GK5: variants seen among roughly 807,000 people sequenced by gnomAD.
GK5 encodes ATP:glycerol 3-phosphotransferase 5.
Under a neutral mutation model 77.3 loss-of-function variants are expected in GK5, and 39 were observed. That is an observed-to-expected ratio of 0.50 (90% CI 0.39 to 0.66). GK5 has a LOEUF of 0.66. Ranked by LOEUF, GK5 falls within the 30% of genes least tolerant of loss-of-function variation. The pLI is 0.00. For missense variants in GK5, 487 were observed against 633.8 expected (o/e 0.77, Z 2.49); for synonymous variants, 211 against 208.0 (o/e 1.01, Z -0.13).
chr3:142,186,348 A>T, intron 7 of GK5, 81 bp from the exon 8 acceptor site: 1 of 1,010,014 alleles, frequency 9.9e-7, no homozygotes, highest in Non-Finnish European at 1.5e-6. Flanking sequence ...ATCATGTTGT[A>T]CATGATATAT....
At chr3:142,165,850 G>T in intron 15 of GK5, 80 bp from the exon 16 acceptor site, 1 of 896,258 alleles carries the variant, frequency 1.1e-6, no homozygotes, top group Non-Finnish European at 1.6e-6. Flanking sequence ...TATACGAGTT[G>T]CTGGTAGAAA....
At chr3:142,199,000 T>C in intron 4 of GK5, 67 bp from the exon 5 acceptor site, 4 of 1,162,902 alleles carry the variant, frequency 3.4e-6, no homozygotes, top group Admixed American at 2.5e-5. Flanking sequence ...ACATCAATTC[T>C]ATATACATGC....
intron 12 of GK5, among the ~76,000 whole-genome samples, 167 bp from the exon 13 acceptor site, chr3:142,172,623 A>C (rs868500409): frequency 5.9e-5 from 9 of 152,350 alleles, no homozygotes; most frequent in Non-Finnish European, 8.8e-5. Flanking sequence ...ACTTTTTAAC[A>C]GCATTTAAGC....
Position 142,165,556 on chromosome 3 carries a change from T to G in GK5, c.*66A>C, listed in dbSNP as rs1292427629. 2 of 1,232,006 alleles carry G rather than the reference T, an allele frequency of 1.6e-6. No homozygotes were observed. Among genetic ancestry groups the G allele is most frequent in the Non-Finnish European group, 2.2e-6 (2 of 894,356 alleles). 76.3% of individuals were successfully genotyped at this position (1,232,006 alleles called of 1,614,324 possible). A position where few individuals can be genotyped will look rare whatever the true frequency, so the allele number is the denominator to read the frequency against. ...TAGTCATTGTCATATGGGTTATCCCTGAGCTTCATCTCATCTGCACGTCAC... is the reference window on the plus strand; with the variant it reads ...TAGTCATTGTCATATGGGTTATCCCGGAGCTTCATCTCATCTGCACGTCAC... On this transcript the variant is annotated 3_prime_UTR_variant, in exon 16 of 16. Coordinates refer to ENST00000392993, the MANE Select transcript of GK5 (RefSeq NM_001039547.3).
intron 5 of GK5, among the ~76,000 whole-genome samples, chr3:142,195,584 T>C (rs1294166155): frequency 1.3e-5 from 2 of 152,210 alleles, no homozygotes; most frequent in African/African-American, 4.8e-5. Flanking sequence ...ACTCCTGGGC[T>C]CAAGCAATAC....
chr3:142,184,828 G>T, intron 9 of GK5: 1 of 981,380 alleles, frequency 1.0e-6, no homozygotes, highest in Non-Finnish European at 1.2e-6. Context: ...GGAGACAAGA[G>T]TGAAACTCCA....
chr3:142,201,348 A>G (rs1309130541), intron 4 of GK5, among the ~76,000 whole-genome samples: 4 of 152,216 alleles, frequency 2.6e-5, no homozygotes, highest in Non-Finnish European at 5.9e-5. Context: ...ATCTCCAGGG[A>G]ATTATACTAA....
chr3:142,214,510 C>G (rs763224911), intron 2 of GK5, among the ~76,000 whole-genome samples: 1 of 152,066 alleles, frequency 6.6e-6, no homozygotes, highest in Non-Finnish European at 1.5e-5. Context: ...CACATCAACT[C>G]CCATATAGTA....
chr3:142,206,199 A>G (rs528661987), intron 3 of GK5, among the ~76,000 whole-genome samples: 1 of 152,180 alleles, frequency 6.6e-6, no homozygotes, highest in Non-Finnish European at 1.5e-5. Flanking sequence ...CTCTTTGGTT[A>G]TCGTGATTAC....
intron 5 of GK5, among the ~76,000 whole-genome samples, chr3:142,189,767 A>G (rs1033672595): frequency 1.3e-5 from 2 of 152,196 alleles, no homozygotes; most frequent in Non-Finnish European, 2.9e-5. Flanking sequence ...TAGGAACTAC[A>G]AGTCAGATTT....
chr3:142,202,958 T>C (rs1441294695), intron 4 of GK5, among the ~76,000 whole-genome samples: 1 of 152,136 alleles, frequency 6.6e-6, no homozygotes, highest in East Asian at 1.9e-4. Flanking sequence ...ATGAGACATA[T>C]TACAGAAGTA....
rs1174837211 is a variant in GK5 at position 142,163,130 on chromosome 3, A to T, written c.*2492T>A. On this transcript the variant is annotated 3_prime_UTR_variant, in exon 16 of 16. Coordinates refer to ENST00000392993, the MANE Select transcript of GK5 (RefSeq NM_001039547.3). ...CAAAAATATTTATTAAAGTCTTATC[A>T]CTAAAAATGGCCACAAATATTAAAA... 1 of 152,136 alleles carries T rather than the reference A, an allele frequency of 6.6e-6. No homozygotes were observed. The highest frequency in any genetic ancestry group is 1.5e-5 in the Non-Finnish European group (1 of 68,028). The allele number at this position is 152,136 out of a possible 1,614,324, so 9.4% of individuals were successfully genotyped here. A position where few individuals can be genotyped will look rare whatever the true frequency, so the allele number is the denominator to read the frequency against.
At chr3:142,211,294 G>A (rs529710550) in intron 3 of GK5, among the ~76,000 whole-genome samples, 31 of 152,290 alleles carry the variant, frequency 2.0e-4, no homozygotes, top group Admixed American at 1.4e-3. Context: ...GAATTATTCA[G>A]CTCAAAATGT....
At chr3:142,212,596 G>A (rs1240536651) in intron 3 of GK5, among the ~76,000 whole-genome samples, 2 of 152,012 alleles carry the variant, frequency 1.3e-5, no homozygotes, top group East Asian at 3.9e-4. Context: ...ATAGTATAAA[G>A]AACATACGCT....
chr3:142,211,513 C>T (rs1004889553), intron 3 of GK5, among the ~76,000 whole-genome samples: 4 of 152,076 alleles, frequency 2.6e-5, no homozygotes, highest in African/African-American at 7.2e-5. Flanking sequence ...AGTACTGGGC[C>T]GAGCATGGTG....
Position 142,186,459 on chromosome 3 carries a change from G to T in GK5, c.674C>A (p.Pro225Gln). The change falls in exon 7 of 16, where the codon CCA (proline) becomes CAA (glutamine). Residue 225 changes from proline (P) to glutamine (Q), a missense_variant. By Grantham distance (76) the Pro-to-Gln change is moderately conservative (BLOSUM62 -1). Coordinates refer to ENST00000392993, the MANE Select transcript of GK5 (RefSeq NM_001039547.3). ...AGAAAAAAAAATTTTTACCTTATAT[G>T]GGTCAAAAAGTCCAGTTGTACTAGC... ...SNASTTGLFDPYKMCWSGMIT... is the reference protein window; with the variant it reads ...SNASTTGLFDQYKMCWSGMIT... 2 of 1,544,542 alleles carry T rather than the reference G, an allele frequency of 1.3e-6. No homozygotes were observed. Among genetic ancestry groups the T allele is most frequent in the South Asian group, 1.2e-5 (1 of 80,546 alleles).
rs1384238764 is a variant in GK5, at chr3:142,198,878, A to C, written c.467T>G (p.Phe156Cys). 3.7e-6 allele frequency: 6 copies of C among 1,613,514 alleles called. No individual in the cohort carries two copies. The highest frequency in any genetic ancestry group is 4.2e-6 in the Non-Finnish European group (5 of 1,179,650). ...LHFFTRSKRLFTASLFTFTTQ... is the reference protein window; with the variant it reads ...LHFFTRSKRLCTASLFTFTTQ... Reference sequence around the variant, plus strand: ...TGTGAAAGTGAACAAACTGGCTGTAAAAAGTCGTTTACTTCTAGTGAAAAA... The same window carrying C: ...TGTGAAAGTGAACAAACTGGCTGTACAAAGTCGTTTACTTCTAGTGAAAAA... The change falls in exon 5 of 16, where the codon TTT (phenylalanine) becomes TGT (cysteine). Residue 156 changes from phenylalanine (F) to cysteine (C), a missense_variant. Physicochemically the swap from Phe to Cys is radical, Grantham distance 205 (BLOSUM62 -2). Coordinates refer to ENST00000392993, the MANE Select transcript of GK5 (RefSeq NM_001039547.3).
chr3:142,220,863 C>T (rs1216467238), intron 1 of GK5, among the ~76,000 whole-genome samples: 2 of 152,160 alleles, frequency 1.3e-5, no homozygotes, highest in African/African-American at 4.8e-5. Context: ...TGGGGTTGTA[C>T]GTAGGACTGG....
intron 6 of GK5, among the ~76,000 whole-genome samples, chr3:142,187,162 C>T (rs952888717): frequency 2.6e-5 from 4 of 151,890 alleles, no homozygotes; most frequent in Non-Finnish European, 4.4e-5. Flanking sequence ...AAGACTGTTC[C>T]CCAGTCTTAT....
Sources: allele counts gnomAD v4.1 joint callset (sites outside exome capture counted in the v4.1 genomes callset), GRCh38; gene constraint gnomAD v4.1.1; transcripts MANE v1.5; gene names NCBI Gene and HGNC (gene_info 2026-07-23, HGNC 2026-07-21).